TF: variants seen among roughly 807,000 people sequenced by gnomAD.
TF encodes serotransferrin.
In TF, 55 loss-of-function variants were observed where a neutral mutation model predicts 82.4. That is an observed-to-expected ratio of 0.67 (90% CI 0.54 to 0.84). The LOEUF (loss-of-function observed/expected upper bound fraction) is 0.84. Among genes scored for constraint, TF ranks in the 40% least tolerant of loss-of-function variants. The pLI, the probability that TF is intolerant of heterozygous loss-of-function variation, is 0.00. For missense variants in TF, 737 were observed against 868.4 expected (o/e 0.85, Z 1.90); for synonymous variants, 332 against 332.6 (o/e 1.00, Z 0.02).
In TF at chr3:133,784,811, A is replaced by C. The variant is rs1048430344; in HGVS notation, c.*6191A>C. On this transcript the variant is annotated 3_prime_UTR_variant, in exon 17 of 17. Coordinates refer to ENST00000402696, the MANE Select transcript of TF (RefSeq NM_001063.4). Reference sequence around the variant, plus strand: ...TAGAGGACATGGGGCAGAAGACCTGAGAAGGAAGAGAGGACAGTTCTGTGC... The same window carrying C: ...TAGAGGACATGGGGCAGAAGACCTGCGAAGGAAGAGAGGACAGTTCTGTGC... 1 of 152,310 alleles carries C rather than the reference A, an allele frequency of 6.6e-6. No homozygotes were observed. The highest frequency in any genetic ancestry group is 2.4e-5 in the African/African-American group (1 of 41,468). 9.4% of individuals were successfully genotyped at this position (152,310 alleles called of 1,614,324 possible).
rs1172453862 is a variant in TF, at chr3:133,787,788, G to GA, written c.*9173dup. On this transcript the variant is annotated 3_prime_UTR_variant, in exon 17 of 17. Transcript: ENST00000402696. Reference sequence around the variant, plus strand: ...ATACTACATATTGTGTTATATACTGGAAAAATGAGTCCTAATTTTAAAATA... The same window carrying GA: ...ATACTACATATTGTGTTATATACTGGAAAAAATGAGTCCTAATTTTAAAATA... 2.6e-5 allele frequency: 4 copies of GA among 152,140 alleles called. No homozygotes were observed. Among genetic ancestry groups the GA allele is most frequent in the African/African-American group, 9.7e-5 (4 of 41,408 alleles). 9.4% of individuals were successfully genotyped at this position (152,140 alleles called of 1,614,324 possible).
the TF span, among the ~76,000 whole-genome samples, chr3:133,675,546 G>A: frequency 1.3e-5 from 2 of 152,204 alleles, no homozygotes; most frequent in Non-Finnish European, 2.9e-5. Context: ...ATAGAAAGGA[G>A]AAATGTTCTT....
chr3:133,736,108 C>T, the TF span, among the ~76,000 whole-genome samples: 1 of 152,194 alleles, frequency 6.6e-6, no homozygotes, highest in East Asian at 1.9e-4. Context: ...GCAGATCTCT[C>T]AGCAGAAACC....
At chr3:133,755,655 G>T (rs982545701) in intron 5 of TF, 160 bp downstream of exon 5, 1 of 910,152 alleles carries the variant, frequency 1.1e-6, no homozygotes, top group East Asian at 2.6e-5. Flanking sequence ...GGACTCCTAG[G>T]CCAAGCCAGC....
At chr3:133,778,410 G>T (rs747117505) in intron 16 of TF, 176 bp from the exon 17 acceptor site, 36 of 606,230 alleles carry the variant, frequency 5.9e-5, no homozygotes, top group Non-Finnish European at 9.8e-5. Context: ...CCCAGGATAG[G>T]CACAGGAGCT....
At chr3:133,730,452 G>T in the TF span, among the ~76,000 whole-genome samples, 3 of 152,208 alleles carry the variant, frequency 2.0e-5, no homozygotes, top group African/African-American at 4.8e-5. Context: ...TGCTGGCTAT[G>T]GTGGGCTTGT....
At chr3:133,768,310 A>G (rs1934178107) in intron 13 of TF, 146 bp downstream of exon 13, 1 of 1,157,228 alleles carries the variant, frequency 8.6e-7, no homozygotes, top group Admixed American at 2.2e-5. Flanking sequence ...ATATAGAGCC[A>G]CATGGGGAGG....
At chr3:133,735,881 T>C in the TF span, among the ~76,000 whole-genome samples, 1 of 152,180 alleles carries the variant, frequency 6.6e-6, no homozygotes, top group Non-Finnish European at 1.5e-5. Context: ...GAAAAGACTC[T>C]TCAGGATATT....
chr3:133,689,436 G>T, the TF span, among the ~76,000 whole-genome samples: 3 of 152,174 alleles, frequency 2.0e-5, no homozygotes, highest in East Asian at 3.9e-4. Context: ...CAGATGGAAA[G>T]ACTAAATATC....
chr3:133,671,648 C>G, the TF span, among the ~76,000 whole-genome samples: 3 of 151,514 alleles, frequency 2.0e-5, no homozygotes, highest in Non-Finnish European at 4.4e-5. Flanking sequence ...TAAAAATTAC[C>G]CGGGTGCTCT....
In TF at chr3:133,784,475, AATAAT is replaced by A. The variant is rs1559882837; in HGVS notation, c.*5857_*5861del. ...GTAAATTCCCATTTGTTAAAAAAATAATAATAATAATAATAATAATAATAATAATA... is the reference window on the plus strand; with the variant it reads ...GTAAATTCCCATTTGTTAAAAAAATAAATAATAATAATAATAATAATAATA... On this transcript the variant is annotated 3_prime_UTR_variant, in exon 17 of 17. Transcript: ENST00000402696. 7 of 52,824 alleles carry A rather than the reference AATAAT, an allele frequency of 1.3e-4. No individual in the cohort carries two copies. Among genetic ancestry groups the A allele is most frequent in the South Asian group, 1.2e-3 (2 of 1,696 alleles). 3.3% of individuals were successfully genotyped at this position (52,824 alleles called of 1,614,324 possible).
the TF span, among the ~76,000 whole-genome samples, chr3:133,724,818 G>T: frequency 6.6e-6 from 1 of 152,156 alleles, no homozygotes. Flanking sequence ...AATCCATCTT[G>T]AATTAATCTT....
chr3:133,756,842 A>G lies in TF; in HGVS notation c.703A>G (p.Asn235Asp). 1 of 1,614,228 alleles carries G rather than the reference A, an allele frequency of 6.2e-7. No homozygotes were observed. Residue 235 changes from asparagine (N) to aspartate (D), a missense_variant, in exon 7 of 17, where the codon AAC becomes GAC. Coordinates refer to ENST00000402696, the MANE Select transcript of TF (RefSeq NM_001063.4). ...CTTTCCCTCCCCAGAGAACTTGGCAAACAAGGCTGACAGGGACCAGTATGA... is the reference window on the plus strand; with the variant it reads ...CTTTCCCTCCCCAGAGAACTTGGCAGACAAGGCTGACAGGGACCAGTATGA... ...KHSTIFENLA[N>D]KADRDQYELL...
chr3:133,690,662 T>C, the TF span, among the ~76,000 whole-genome samples: 4 of 152,208 alleles, frequency 2.6e-5, no homozygotes, highest in African/African-American at 9.6e-5. Flanking sequence ...TTTGACCTTA[T>C]ACAGTTGTGG....
rs916615947 is a variant in TF, at chr3:133,746,436, G to A, written c.-5G>A. 26 of 1,599,750 alleles carry A rather than the reference G, an allele frequency of 1.6e-5. No homozygotes were observed. The highest frequency in any genetic ancestry group is 1.7e-4 in the Middle Eastern group (1 of 5,816). ...GTGCTCGCTGCTCAGCGCCGCACCC[G>A]GAAGATGAGGCTCGCCGTGGGAGCC... On this transcript the variant is annotated 5_prime_UTR_variant, in exon 1 of 17. Coordinates refer to ENST00000402696, the MANE Select transcript of TF (RefSeq NM_001063.4).
the TF span, among the ~76,000 whole-genome samples, chr3:133,680,000 T>C: frequency 1.3e-5 from 2 of 152,198 alleles, no homozygotes; most frequent in African/African-American, 4.8e-5. Context: ...TGCATTCTAA[T>C]AGGTATGTAG....
At chr3:133,729,836 C>G in the TF span, among the ~76,000 whole-genome samples, 1 of 152,064 alleles carries the variant, frequency 6.6e-6, no homozygotes, top group African/African-American at 2.4e-5. Flanking sequence ...TATATGATAT[C>G]TCTTTGTTGA....
chr3:133,764,056 T>C (rs1219186615), intron 9 of TF, 126 bp from the exon 10 acceptor site: 2 of 788,912 alleles, frequency 2.5e-6, no homozygotes, highest in South Asian at 1.4e-5. Flanking sequence ...GGGGGTTCAG[T>C]ATCAGCATCT....
chr3:133,735,638 C>T, the TF span, among the ~76,000 whole-genome samples: 2 of 152,100 alleles, frequency 1.3e-5, no homozygotes, highest in Admixed American at 1.3e-4. Flanking sequence ...AAAAACAGCA[C>T]GAGAACTTTG....
Sources: gnomAD v4.1 joint callset for allele counts (sites outside exome capture counted in the v4.1 genomes callset) on GRCh38, gnomAD v4.1.1 for gene constraint, MANE v1.5 for transcripts, NCBI Gene and HGNC (gene_info 2026-07-23, HGNC 2026-07-21) for gene names.